R3HDM1: variants seen among roughly 807,000 people sequenced by gnomAD.
The protein encoded by R3HDM1 is R3H domain containing 1.
Under a neutral mutation model 141.1 loss-of-function variants are expected in R3HDM1, and 46 were observed. The observed-to-expected ratio is 0.33, with a 90% CI of 0.26 to 0.42. R3HDM1 has a LOEUF of 0.42. Ranked by LOEUF, R3HDM1 falls within the 10% of genes least tolerant of loss-of-function variation. The probability of loss-of-function intolerance (pLI) is 1.00; values close to 1 mark genes in which losing one functional copy is unlikely to be tolerated. For synonymous variants in R3HDM1, 435 were observed against 472.9 expected (o/e 0.92, Z 1.04); for missense variants, 1,184 against 1,368.3 (o/e 0.87, Z 2.12).
intron 1 of R3HDM1, among the ~76,000 whole-genome samples, chr2:135,551,249 C>T (rs1699795185): frequency 6.6e-6 from 1 of 152,186 alleles, no homozygotes; most frequent in African/African-American, 2.4e-5. Flanking sequence ...GTTTGTTTTT[C>T]CTCATAGAAA....
At chr2:135,601,207 A>T (rs537948334) in intron 1 of R3HDM1, among the ~76,000 whole-genome samples, 1 of 152,340 alleles carries the variant, frequency 6.6e-6, no homozygotes, top group Non-Finnish European at 1.5e-5. Flanking sequence ...TAATCATTTG[A>T]TGTAGTGGCT....
At chr2:135,702,303 A>C (rs1396230673) in intron 21 of R3HDM1, among the ~76,000 whole-genome samples, 1 of 150,558 alleles carries the variant, frequency 6.6e-6, no homozygotes, top group Non-Finnish European at 1.5e-5. Flanking sequence ...TGGTTAGATG[A>C]CCTGAGGTCA....
chr2:135,698,166 T>TC (rs1310673368), intron 21 of R3HDM1, among the ~76,000 whole-genome samples: 1 of 147,064 alleles, frequency 6.8e-6, no homozygotes, highest in East Asian at 2.0e-4. Flanking sequence ...TCTTCTCCCT[T>TC]TTTTTTTTTT....
chr2:135,651,200 G>A (rs951827236), intron 17 of R3HDM1: 1 of 984,938 alleles, frequency 1.0e-6, no homozygotes, highest in Non-Finnish European at 1.2e-6. Context: ...TGAAAGATTA[G>A]AGAAAGGACT....
At chr2:135,669,020 TCTC>T (rs2067928708) in intron 19 of R3HDM1, 1 of 608,312 alleles carries the variant, frequency 1.6e-6, no homozygotes, top group Non-Finnish European at 2.1e-6. Flanking sequence ...AGCCAGTTCT[TCTC>T]CTTCCCAATT....
chr2:135,595,804 CTT>C (rs1377462882), intron 1 of R3HDM1, among the ~76,000 whole-genome samples: 1 of 152,128 alleles, frequency 6.6e-6, no homozygotes, highest in Non-Finnish European at 1.5e-5. Context: ...AATGGAATAT[CTT>C]TTCTCCTTTT....
At chr2:135,586,879 G>T in intron 1 of R3HDM1, 1 of 985,134 alleles carries the variant, frequency 1.0e-6, no homozygotes, top group Non-Finnish European at 1.2e-6. Flanking sequence ...TCTTAAAATA[G>T]ACATACTATA....
intron 1 of R3HDM1, among the ~76,000 whole-genome samples, chr2:135,551,218 G>A (rs1699785723): frequency 6.6e-6 from 1 of 152,202 alleles, no homozygotes; most frequent in Admixed American, 6.5e-5. Context: ...AGGTTAGTAG[G>A]AGATGCAGGC....
intron 21 of R3HDM1, among the ~76,000 whole-genome samples, chr2:135,684,336 A>T (rs560905271): frequency 6.6e-6 from 1 of 152,100 alleles, no homozygotes; most frequent in Non-Finnish European, 1.5e-5. Flanking sequence ...TGATCCGCCC[A>T]CCGTGGCCTC....
At chr2:135,722,273 C>T (rs955008375) in intron 25 of R3HDM1, among the ~76,000 whole-genome samples, 196 bp from the exon 26 acceptor site, 3 of 152,160 alleles carry the variant, frequency 2.0e-5, no homozygotes, top group African/African-American at 4.8e-5. Flanking sequence ...AATGAAGGAC[C>T]GTCAGCAAGT....
chr2:135,608,317 AAATAAT>A lies in R3HDM1; in HGVS notation c.171+3323_171+3328del, dbSNP rs146123639. Among the ~76,000 whole-genome samples the A allele has an allele frequency of 7.8e-4, 118 of 150,622 alleles. 1 individual carries two copies. Among genetic ancestry groups the A allele is most frequent in the Admixed American group, 6.4e-3 (96 of 15,100 alleles). On this transcript the variant is annotated intron_variant, in intron 3 of 26. Coordinates refer to ENST00000683871, the MANE Select transcript of R3HDM1 (RefSeq NM_001378107.1). The stretch of plus-strand genomic sequence containing the variant: ...GGTGACACAGCGAGACTCCATCTCA[AAATAAT>A]AATAATAATAATAATAATAATTTAC...
chr2:135,707,963 T>G (rs193255633), intron 21 of R3HDM1, among the ~76,000 whole-genome samples: 15 of 152,342 alleles, frequency 9.8e-5, no homozygotes, highest in Admixed American at 7.2e-4. Context: ...TTATTAACTG[T>G]CAGCCTGAAA....
At chr2:135,548,281 T>C (rs963056742) in intron 1 of R3HDM1, among the ~76,000 whole-genome samples, 4 of 152,214 alleles carry the variant, frequency 2.6e-5, no homozygotes, top group African/African-American at 9.7e-5. Context: ...AGTTAACCTT[T>C]TGCTCTTTTT....
chr2:135,616,724 AC>A lies in R3HDM1; in HGVS notation c.275del (p.Pro92LeufsTer17). The A allele has an allele frequency of 6.2e-7, 1 of 1,608,606 alleles. No homozygotes were observed. The highest frequency in any genetic ancestry group is 8.5e-7 in the Non-Finnish European group (1 of 1,176,592). Reference protein sequence around the residue: ...SLAVCEESPPPPAPEISQENQ... With the variant: ...SLAVCEESPPXPAPEISQENQ... ...TTGCAGTGTGTGAAGAATCTCCACCACCCCCTGCACCAGAGATATCACAGGA... is the reference window on the plus strand; with the variant it reads ...TTGCAGTGTGTGAAGAATCTCCACCACCCCTGCACCAGAGATATCACAGGA... On this transcript the variant is annotated frameshift_variant, in exon 5 of 27. Coordinates refer to ENST00000683871, the MANE Select transcript of R3HDM1 (RefSeq NM_001378107.1). LOFTEE classifies it high-confidence loss of function.
intron 7 of R3HDM1, among the ~76,000 whole-genome samples, chr2:135,624,076 T>C (rs1007974766): frequency 2.6e-5 from 4 of 152,220 alleles, no homozygotes; most frequent in East Asian, 3.9e-4. Context: ...CAAGGAAAGA[T>C]AGGCATGTGG....
chr2:135,652,050 C>T lies in R3HDM1; in HGVS notation c.2028+18C>T, dbSNP rs577936455. On this transcript the variant is annotated intron_variant, in intron 18 of 26. Coordinates refer to ENST00000683871, the MANE Select transcript of R3HDM1 (RefSeq NM_001378107.1). ...CACCACAGGTATATTGCTTTTTAAC[C>T]TTTTCTTTCTTGTGGAAACCTCTCA... is the stretch of plus-strand genomic sequence containing the variant. 1 of 1,528,628 alleles carries T rather than the reference C, an allele frequency of 6.5e-7. No homozygotes were observed. The highest frequency in any genetic ancestry group is 1.4e-5 in the African/African-American group (1 of 72,778). The allele number at this position is 1,528,628 out of a possible 1,614,324, so 94.7% of individuals were successfully genotyped here. A position where few individuals can be genotyped will look rare whatever the true frequency, so the allele number is the denominator to read the frequency against.
chr2:135,680,295 C>A lies in R3HDM1; in HGVS notation c.2430C>A (p.Val810=). 1 of 1,614,018 alleles carries A rather than the reference C, an allele frequency of 6.2e-7. No homozygotes were observed. The highest frequency in any genetic ancestry group is 8.5e-7 in the Non-Finnish European group (1 of 1,179,948). The part of the protein sequence containing the change: ...PTTGMPVYYS[V]IPPGQQNNLS... ...CAGGAATGCCTGTTTACTATAGTGT[C>A]ATTCCACCTGGTCAACAAAACAATT... The change falls in exon 21 of 27, where the codon GTC becomes GTA. Residue 810 remains valine (V), a synonymous_variant. Coordinates refer to ENST00000683871, the MANE Select transcript of R3HDM1 (RefSeq NM_001378107.1).
intron 17 of R3HDM1, chr2:135,651,005 C>CT (rs1419884175): frequency 2.1e-5 from 21 of 985,356 alleles, no homozygotes; most frequent in Middle Eastern, 5.2e-4. Flanking sequence ...AGAGCTGGTC[C>CT]TTATCCTGTT....
chr2:135,638,342 A>T (rs1021239895), intron 11 of R3HDM1, among the ~76,000 whole-genome samples: 1 of 152,168 alleles, frequency 6.6e-6, no homozygotes, highest in Non-Finnish European at 1.5e-5. Context: ...ATATAATGAA[A>T]ATGGGTTCAC....
Sources: allele counts gnomAD v4.1 joint callset (sites outside exome capture counted in the v4.1 genomes callset), GRCh38; gene constraint gnomAD v4.1.1; transcripts MANE v1.5; gene names NCBI Gene and HGNC (gene_info 2026-07-23, HGNC 2026-07-21).